PHF24: variants seen among roughly 807,000 people sequenced by gnomAD.
PHF24 encodes the protein PHD finger protein 24.
In PHF24, 25 loss-of-function variants were observed where a neutral mutation model predicts 42.6. The ratio of observed to expected loss-of-function variants is 0.59; its 90% CI spans 0.43 to 0.82. The LOEUF (loss-of-function observed/expected upper bound fraction) is 0.82, where lower values mean the gene tolerates loss of function less well. Ranked by LOEUF, PHF24 falls within the 40% of genes least tolerant of loss-of-function variation. The pLI is 0.00. For missense variants in PHF24, 470 were observed against 538.1 expected, an observed-to-expected ratio of 0.87 and a Z score of 1.25; for synonymous variants, 185 against 204.8, an observed-to-expected ratio of 0.90 and a Z score of 0.83.
the PHF24 span, among the ~76,000 whole-genome samples, chr9:34,875,938 A>ACTCTCT: frequency 5.8e-4 from 51 of 88,512 alleles, no homozygotes; most frequent in South Asian, 1.5e-3. Flanking sequence ...ACACACACAC[A>ACTCTCT]CACACACACA....
chr9:34,832,554 A>G, the PHF24 span: 1 of 1,536,838 alleles, frequency 6.5e-7, no homozygotes, highest in Admixed American at 2.0e-5. Flanking sequence ...GCTCTTTGCA[A>G]CATTTTCTTT....
the PHF24 span, among the ~76,000 whole-genome samples, chr9:34,784,574 T>C: frequency 6.6e-6 from 1 of 152,182 alleles, no homozygotes; most frequent in Non-Finnish European, 1.5e-5. Flanking sequence ...TTTCTGACCT[T>C]TAATTTTCCA....
At chr9:34,675,361 G>T in the PHF24 span, among the ~76,000 whole-genome samples, 3 of 152,178 alleles carry the variant, frequency 2.0e-5, no homozygotes, top group African/African-American at 7.2e-5. Context: ...GCCTAAGTGG[G>T]CTGTCATGTC....
chr9:34,909,153 T>TC, the PHF24 span, among the ~76,000 whole-genome samples: 1,863 of 152,186 alleles, frequency 0.012, 32 homozygotes, highest in African/African-American at 0.042. Flanking sequence ...GCCCCCTTTT[T>TC]CTCTTTTTTA....
At chr9:34,876,006 G>T in the PHF24 span, among the ~76,000 whole-genome samples, 1 of 132,964 alleles carries the variant, frequency 7.5e-6, no homozygotes, top group South Asian at 2.5e-4. Flanking sequence ...CAAGTCCCTA[G>T]CTGGATATTC....
the PHF24 span, among the ~76,000 whole-genome samples, chr9:34,937,673 A>G: frequency 6.1e-5 from 9 of 146,814 alleles, no homozygotes; most frequent in Non-Finnish European, 1.4e-4. Context: ...AATCACAACA[A>G]CAAGGCAGAA....
At chr9:34,676,512 G>A in the PHF24 span, among the ~76,000 whole-genome samples, 1 of 152,228 alleles carries the variant, frequency 6.6e-6, no homozygotes, top group Admixed American at 6.5e-5. Context: ...AACAGAGTGA[G>A]ACCCTGGAAG....
At chr9:34,720,085 A>C in the PHF24 span, among the ~76,000 whole-genome samples, 1 of 152,024 alleles carries the variant, frequency 6.6e-6, no homozygotes. Flanking sequence ...TCCTCCTCCT[A>C]GTGATGAGAT....
chr9:34,768,792 A>C, the PHF24 span, among the ~76,000 whole-genome samples: 2 of 152,172 alleles, frequency 1.3e-5, no homozygotes, highest in Non-Finnish European at 2.9e-5. Context: ...AGCATTAAAA[A>C]ATGGTAAAAT....
At chr9:34,848,410 G>C in the PHF24 span, among the ~76,000 whole-genome samples, 3 of 151,724 alleles carry the variant, frequency 2.0e-5, no homozygotes, top group African/African-American at 7.3e-5. Context: ...AGTGTTCTCT[G>C]ATGGTAGTTT....
At position 34,958,382 on chromosome 9, in the gene PHF24, C is replaced by G. The variant is rs1826465070; in HGVS notation, c.-24C>G. On this transcript the variant is annotated 5_prime_UTR_variant, in exon 1 of 8. Coordinates refer to ENST00000242315, the Ensembl canonical transcript of PHF24. This position sits in a 1 kb window ranked among gnomAD's most constrained non-coding sequence, Gnocchi z 4.5. Reference sequence around the variant, plus strand: ...AGAGTCCGCCGCCCCGGAGCCGCGTCCCGCACCCGGACGGTCCCGGTAAGC... The same window carrying G: ...AGAGTCCGCCGCCCCGGAGCCGCGTGCCGCACCCGGACGGTCCCGGTAAGC... 1 of 152,362 alleles carries G rather than the reference C, an allele frequency of 6.6e-6. No individual in the cohort carries two copies. Among genetic ancestry groups the G allele is most frequent in the Admixed American group, 6.6e-5 (1 of 15,248 alleles). 9.4% of individuals were successfully genotyped at this position (152,362 alleles called of 1,614,324 possible).
the PHF24 span, among the ~76,000 whole-genome samples, chr9:34,827,813 A>C: frequency 2.0e-5 from 3 of 151,970 alleles, no homozygotes; most frequent in African/African-American, 7.3e-5. Flanking sequence ...CCTCCCACCC[A>C]TATAACCTCC....
At chr9:34,690,128 A>G in the PHF24 span, 1 of 1,592,002 alleles carries the variant, frequency 6.3e-7, no homozygotes, top group East Asian at 2.2e-5. Context: ...TGGGCTTGGC[A>G]TGGAGAAGGG....
exon 2 of PHF24, chr9:34,971,585 C>G (rs1177311990): frequency 6.2e-7 from 1 of 1,613,948 alleles, no homozygotes; most frequent in African/African-American, 1.3e-5. Flanking sequence ...TTTGACAGGA[C>G]AAGTCGATTC....
At chr9:34,800,772 A>G in the PHF24 span, among the ~76,000 whole-genome samples, 2 of 152,230 alleles carry the variant, frequency 1.3e-5, no homozygotes, top group South Asian at 4.1e-4. Context: ...AGGCTTCATG[A>G]CTAAAACACC....
intron 4 of PHF24, 32 bp downstream of exon 4, chr9:34,976,262 G>A: frequency 2.6e-6 from 4 of 1,559,614 alleles, no homozygotes; most frequent in South Asian, 2.2e-5. Context: ...TGGATGGAGA[G>A]GGGCCGGGCA....
At chr9:34,729,821 G>T in the PHF24 span, among the ~76,000 whole-genome samples, 4 of 152,340 alleles carry the variant, frequency 2.6e-5, no homozygotes, top group East Asian at 7.7e-4. Context: ...TAGGCCGGAG[G>T]AACCTCCACT....
chr9:34,877,167 G>A, the PHF24 span, among the ~76,000 whole-genome samples: 2 of 151,648 alleles, frequency 1.3e-5, no homozygotes, highest in Non-Finnish European at 2.9e-5. Flanking sequence ...TATAATCCCA[G>A]CTACTCGGGA....
chr9:34,680,657 C>A, the PHF24 span, among the ~76,000 whole-genome samples: 1 of 145,030 alleles, frequency 6.9e-6, no homozygotes, highest in Non-Finnish European at 1.5e-5. Context: ...CACTGCACTC[C>A]AGCCTGGGCG....
Sources: allele counts gnomAD v4.1 joint callset (sites outside exome capture counted in the v4.1 genomes callset), GRCh38; gene constraint gnomAD v4.1.1; non-coding constraint Gnocchi (gnomAD v3.1); transcripts MANE v1.5; gene names NCBI Gene and HGNC (gene_info 2026-07-23, HGNC 2026-07-21).